The following SOX5 variants were observed in gnomAD, a reference collection of about 807,000 sequenced individuals.
SOX5 encodes transcription factor SOX-5.
SOX5 carries 9 observed loss-of-function variants against 92.0 expected under a neutral mutation model. The ratio of observed to expected loss-of-function variants is 0.10; its 90% confidence interval spans 0.06 to 0.17. The LOEUF is 0.17. Ranked by LOEUF, SOX5 falls within the 10% of genes least tolerant of loss-of-function variation. The pLI is 1.00. For missense variants in SOX5, 642 were observed against 944.5 expected (o/e 0.68, Z 4.20); for synonymous variants, 344 against 336.3 (o/e 1.02, Z -0.25).
chr12:23,815,047 T>C (rs977792967), intron 3 of SOX5, among the ~76,000 whole-genome samples: 1 of 152,164 alleles, frequency 6.6e-6, no homozygotes, highest in Non-Finnish European at 1.5e-5. Flanking sequence ...TATTGTGATA[T>C]TTTCCTTCAA....
intron 1 of SOX5, among the ~76,000 whole-genome samples, chr12:24,452,389 T>A (rs1942437422): frequency 6.6e-6 from 1 of 152,194 alleles, no homozygotes; most frequent in South Asian, 2.1e-4. Flanking sequence ...ACAGAGGTCA[T>A]CCACAGTTAC....
At chr12:24,346,680 T>C (rs1953312669) in intron 2 of SOX5, among the ~76,000 whole-genome samples, 1 of 152,156 alleles carries the variant, frequency 6.6e-6, no homozygotes, top group Non-Finnish European at 1.5e-5. Flanking sequence ...CTCAAACTCC[T>C]GACCTTGTGA....
rs190358835 is a variant in SOX5 at position 23,685,638 on chromosome 12, C to A, written c.811-20074G>T. Among the ~76,000 whole-genome samples, 160 of 148,914 alleles carry A rather than the reference C, an allele frequency of 1.1e-3. 2 individuals carry two copies. The East Asian group carries it at 0.015, about 14-fold the overall frequency. ...TAAAAATCCTTTTTGTCCCCCCCCCCAAAAATCTAATACAGAACCCTAATT... is the reference window on the plus strand; with the variant it reads ...TAAAAATCCTTTTTGTCCCCCCCCCAAAAAATCTAATACAGAACCCTAATT... On this transcript the variant is annotated intron_variant, in intron 6 of 14. Transcript: ENST00000451604.
chr12:24,559,030 C>T (rs1179581377), intron 1 of SOX5, among the ~76,000 whole-genome samples: 1 of 152,086 alleles, frequency 6.6e-6, no homozygotes, highest in Non-Finnish European at 1.5e-5. Context: ...CATATGAAAA[C>T]CAAATGCAGA....
At chr12:23,669,121 T>A (rs1397400747) in intron 6 of SOX5, among the ~76,000 whole-genome samples, 1 of 152,142 alleles carries the variant, frequency 6.6e-6, no homozygotes, top group African/African-American at 2.4e-5. Context: ...TGAATTCACA[T>A]ACATGGATGC....
chr12:24,241,131 A>G (rs1315900129), intron 3 of SOX5, among the ~76,000 whole-genome samples: 1 of 152,162 alleles, frequency 6.6e-6, no homozygotes, highest in Admixed American at 6.6e-5. Context: ...TTTAAGGTTC[A>G]TAGTCAAAAT....
At chr12:23,978,668 A>ATT (rs965815360) in intron 4 of SOX5, among the ~76,000 whole-genome samples, 1 of 150,246 alleles carries the variant, frequency 6.7e-6, no homozygotes, top group Non-Finnish European at 1.5e-5. Context: ...GGCAACTCAG[A>ATT]TTTTTTTTTT....
At chr12:24,498,453 A>G (rs1250276477) in intron 1 of SOX5, among the ~76,000 whole-genome samples, 1 of 152,120 alleles carries the variant, frequency 6.6e-6, no homozygotes, top group Non-Finnish European at 1.5e-5. Context: ...TTCTTTCTCA[A>G]AAGATCATGA....
chr12:24,475,552 C>G (rs79762195), intron 1 of SOX5, among the ~76,000 whole-genome samples: 2,948 of 152,342 alleles, frequency 0.019, 41 homozygotes, highest in Admixed American at 0.035. Flanking sequence ...CTCCTGTGTT[C>G]TTGGCTCTGA....
At chr12:23,597,285 G>A (rs1005924026) in intron 9 of SOX5, among the ~76,000 whole-genome samples, 3 of 152,072 alleles carry the variant, frequency 2.0e-5, no homozygotes, top group African/African-American at 4.8e-5. Context: ...TTCATTTAAC[G>A]CTGAGATTAC....
chr12:24,388,896 C>T (rs568813433), intron 1 of SOX5, among the ~76,000 whole-genome samples: 1 of 152,194 alleles, frequency 6.6e-6, no homozygotes, highest in East Asian at 1.9e-4. Context: ...TGGCTTCTTC[C>T]ACTTAGCATA....
chr12:23,807,779 C>T (rs1474571026), intron 3 of SOX5, among the ~76,000 whole-genome samples: 2 of 151,800 alleles, frequency 1.3e-5, no homozygotes, highest in African/African-American at 4.8e-5. Flanking sequence ...TCCTGAGTAG[C>T]TGGGATTACA....
At chr12:23,810,762 C>T (rs927835706) in intron 3 of SOX5, among the ~76,000 whole-genome samples, 7 of 151,906 alleles carry the variant, frequency 4.6e-5, no homozygotes, top group Non-Finnish European at 8.8e-5. Context: ...TTTTTTCCTT[C>T]CTTGTCCAAG....
chr12:24,226,234 TTTA>T (rs1276547681), intron 3 of SOX5, among the ~76,000 whole-genome samples: 2 of 152,158 alleles, frequency 1.3e-5, no homozygotes, highest in Non-Finnish European at 2.9e-5. Flanking sequence ...CCCCATCCCT[TTTA>T]TTCATTCACA....
intron 1 of SOX5, among the ~76,000 whole-genome samples, chr12:24,373,282 T>C (rs1956928822): frequency 6.6e-6 from 1 of 152,242 alleles, no homozygotes. Flanking sequence ...TCTCTTTCTA[T>C]TCACTTACTG....
At chr12:24,013,469 T>C (rs1180117827) in intron 4 of SOX5, among the ~76,000 whole-genome samples, 1 of 152,206 alleles carries the variant, frequency 6.6e-6, no homozygotes, top group Non-Finnish European at 1.5e-5. Flanking sequence ...CTAAAACGTA[T>C]CTGCATATTT....
chr12:23,668,336 T>C (rs2084185711), intron 6 of SOX5, among the ~76,000 whole-genome samples: 3 of 152,164 alleles, frequency 2.0e-5, no homozygotes. Context: ...TAAGAGCAAT[T>C]GTTCAGCATT....
intron 8 of SOX5, among the ~76,000 whole-genome samples, chr12:23,628,570 G>A (rs1030621565): frequency 6.6e-6 from 1 of 152,054 alleles, no homozygotes; most frequent in African/African-American, 2.4e-5. Context: ...TAATTTGTGA[G>A]CATACTTTGA....
chr12:23,806,838 A>G (rs1200169440), intron 3 of SOX5, among the ~76,000 whole-genome samples: 1 of 152,194 alleles, frequency 6.6e-6, no homozygotes, highest in Non-Finnish European at 1.5e-5. Context: ...CTTCATGCCT[A>G]CAATAGGCAG....
Sources: gnomAD v4.1 joint callset for allele counts (sites outside exome capture counted in the v4.1 genomes callset) on GRCh38, gnomAD v4.1.1 for gene constraint, MANE v1.5 for transcripts, NCBI Gene and HGNC (gene_info 2026-07-23, HGNC 2026-07-21) for gene names.